Variants in MYO7B observed in about 807,000 individuals in gnomAD.
MYO7B encodes the protein unconventional myosin-VIIb.
In MYO7B, 212 loss-of-function variants were observed where a neutral mutation model predicts 259.7. The observed-to-expected ratio is 0.82, with a 90% CI of 0.73 to 0.91. MYO7B has a LOEUF of 0.91. Among genes scored for constraint, MYO7B ranks in the 40% least tolerant of loss-of-function variants. MYO7B has a pLI of 0.00. For missense variants in MYO7B, 2,732 were observed against 2,813.5 expected, an observed-to-expected ratio of 0.97 and a Z score of 0.66; for synonymous variants, 1,197 against 1,166.4, an observed-to-expected ratio of 1.03 and a Z score of -0.54.
In MYO7B at chr2:127,584,939, C is replaced by G; in HGVS notation, c.1690+26C>G. The G allele has an allele frequency of 6.2e-7, 1 of 1,611,980 alleles. No homozygotes were observed. On this transcript the variant is annotated intron_variant, in intron 14 of 47. Transcript: ENST00000409816. The surrounding 1 kb of genome is among the most constrained non-coding windows in gnomAD (Gnocchi z 5.8). ...GTGGGTGCAGCTCTCCTCTCATGTC[C>G]CTTCCAAATCTGGACCGGGTTCCAG... is the stretch of plus-strand genomic sequence containing the variant.
intron 1 of MYO7B, among the ~76,000 whole-genome samples, chr2:127,553,198 C>A (rs1573613195): frequency 6.6e-6 from 1 of 152,204 alleles, no homozygotes; most frequent in African/African-American, 2.4e-5. Context: ...AATGTGATGC[C>A]TCCATATTTG....
chr2:127,592,786 G>GC lies in MYO7B; in HGVS notation c.1993-5dup, dbSNP rs780133702. ...TGCGCTGGGTCAGCGCCCGGTGTCC[G>GC]CCCACAGCTGTTCGACCGGGAGCTG... is the stretch of plus-strand genomic sequence containing the variant. On this transcript the variant is annotated splice_polypyrimidine_tract_variant and splice_region_variant and intron_variant, in intron 16 of 47. Coordinates refer to ENST00000409816, the MANE Select transcript of MYO7B (RefSeq NM_001393586.1). 5 of 1,606,744 alleles carry GC rather than the reference G, an allele frequency of 3.1e-6. No homozygotes were observed. The South Asian group carries it at 5.6e-5, about 18-fold the overall frequency.
intron 6 of MYO7B, among the ~76,000 whole-genome samples, 168 bp from the exon 7 acceptor site, chr2:127,573,752 G>A (rs567299361): frequency 2.0e-5 from 3 of 152,132 alleles, no homozygotes; most frequent in South Asian, 2.1e-4. Flanking sequence ...CTGCATTTTT[G>A]TCTTCCTCTT....
intron 9 of MYO7B, 62 bp from the exon 10 acceptor site, chr2:127,580,683 CG>C: frequency 6.6e-7 from 1 of 1,504,042 alleles, no homozygotes; most frequent in South Asian, 1.2e-5. Context: ...CCGGGCCAGT[CG>C]GGACCTTGCT....
intron 38 of MYO7B, 86 bp downstream of exon 38, chr2:127,631,839 C>G: frequency 6.6e-7 from 1 of 1,514,680 alleles, no homozygotes; most frequent in Non-Finnish European, 8.9e-7. Flanking sequence ...AGAGAGGACA[C>G]CGCAGCTGGT....
intron 1 of MYO7B, among the ~76,000 whole-genome samples, chr2:127,544,646 T>C (rs1306124390): frequency 6.7e-6 from 1 of 149,712 alleles, no homozygotes; most frequent in Non-Finnish European, 1.5e-5. Context: ...AGTGGCGCTA[T>C]CTCGGCTCAC....
At position 127,576,554 on chromosome 2, in the gene MYO7B, T is replaced by C; in HGVS notation, c.736-41T>C. The stretch of plus-strand genomic sequence containing the variant: ...CTGAGGCCCTGAGGCCTCAGGGGAA[T>C]GGCTCATGAATCTGTCTGGAATGCC... On this transcript the variant is annotated intron_variant, in intron 7 of 47. Transcript: ENST00000409816. The surrounding 1 kb of genome is among the most constrained non-coding windows in gnomAD (Gnocchi z 4.9). The C allele has an allele frequency of 7.4e-7, 1 of 1,349,030 alleles. No individual in the cohort carries two copies. The highest frequency in any genetic ancestry group is 1.0e-6 in the Non-Finnish European group (1 of 966,460). The allele number at this position is 1,349,030 out of a possible 1,614,324, so 83.6% of individuals were successfully genotyped here.
At position 127,637,536 on chromosome 2, in the gene MYO7B, A is replaced by G. The variant is rs1573737931; in HGVS notation, c.*119A>G. 1.7e-5 allele frequency: 13 copies of G among 758,514 alleles called. No individual in the cohort carries two copies. In the South Asian group the frequency reaches 2.4e-4, roughly 14 times the overall value. The allele number at this position is 758,514 out of a possible 1,614,324, so 47.0% of individuals were successfully genotyped here. ...CGGGCAGCCTTCCATGCTGCCCCCC[A>G]TACAAAGCCCACTCAGCCCCGCAGG... On this transcript the variant is annotated 3_prime_UTR_variant, in exon 48 of 48. Coordinates refer to ENST00000409816, the MANE Select transcript of MYO7B (RefSeq NM_001393586.1).
chr2:127,629,333 G>T (rs1053133470), intron 34 of MYO7B, among the ~76,000 whole-genome samples: 2 of 152,322 alleles, frequency 1.3e-5, no homozygotes, highest in African/African-American at 4.8e-5. Context: ...CGTGGGGACT[G>T]CCAGCCTGTG....
intron 2 of MYO7B, 43 bp from the exon 3 acceptor site, chr2:127,564,110 G>A: frequency 7.4e-7 from 1 of 1,351,486 alleles, no homozygotes; most frequent in Non-Finnish European, 1.0e-6. Context: ...GGGAGGGGAA[G>A]AGAGAGCGGG....
At position 127,614,974 on chromosome 2, in the gene MYO7B, C is replaced by A. The variant is rs1236993521; in HGVS notation, c.3398+2371C>A. On this transcript the variant is annotated intron_variant, in intron 26 of 47. Transcript: ENST00000409816. The surrounding 1 kb of genome is among the most constrained non-coding windows in gnomAD (Gnocchi z 4.6). ...TTCCACATCTGTCACACATTCCACA[C>A]ACACTTGCTCATTACCCACTCTGGG... Among the ~76,000 whole-genome samples the A allele has an allele frequency of 2.0e-5, 3 of 152,234 alleles. No individual in the cohort carries two copies. The highest frequency in any genetic ancestry group is 4.4e-5 in the Non-Finnish European group (3 of 68,046).
chr2:127,612,172 A>G (rs1006326991), intron 24 of MYO7B, 78 bp from the exon 25 acceptor site: 3 of 514,378 alleles, frequency 5.8e-6, no homozygotes, highest in Non-Finnish European at 1.1e-5. Context: ...CACGTGCTCC[A>G]CCCCAGGAGG....
chr2:127,581,636 A>G (rs4662738), intron 10 of MYO7B, among the ~76,000 whole-genome samples: 145,680 of 152,106 alleles, frequency 0.96, 69,816 homozygotes, highest in East Asian at 0.99. Context: ...CCTCACCCTC[A>G]TTTTCCAAGG....
intron 26 of MYO7B, among the ~76,000 whole-genome samples, chr2:127,616,204 T>C: frequency 6.6e-6 from 1 of 152,208 alleles, no homozygotes; most frequent in Non-Finnish European, 1.5e-5. Flanking sequence ...ATCAAGAGTT[T>C]ATCCTTCTCC....
intron 16 of MYO7B, among the ~76,000 whole-genome samples, chr2:127,591,085 A>G (rs1679539799): frequency 6.6e-6 from 1 of 152,194 alleles, no homozygotes; most frequent in South Asian, 2.1e-4. Context: ...GCTACTCAGG[A>G]GGCTGAGGGA....
intron 1 of MYO7B, among the ~76,000 whole-genome samples, chr2:127,549,940 G>T (rs1693384081): frequency 6.6e-6 from 1 of 152,172 alleles, no homozygotes; most frequent in Non-Finnish European, 1.5e-5. Context: ...TCTGTGTTTT[G>T]TCTCCTTCCC....
At chr2:127,600,300 C>G (rs1679916087) in intron 19 of MYO7B, among the ~76,000 whole-genome samples, 1 of 152,114 alleles carries the variant, frequency 6.6e-6, no homozygotes, top group Non-Finnish European at 1.5e-5. Flanking sequence ...ATAATATTCC[C>G]TTATTATCCT....
Position 127,636,151 on chromosome 2 carries a change from C to G in MYO7B, c.6007-57C>G, listed in dbSNP as rs1366833023. 7.0e-7 allele frequency: 1 copy of G among 1,433,760 alleles called. No individual in the cohort carries two copies. The highest frequency in any genetic ancestry group is 1.4e-5 in the African/African-American group (1 of 71,170). The allele number at this position is 1,433,760 out of a possible 1,614,324, so 88.8% of individuals were successfully genotyped here. ...TGGGGTAGGCAGGTGCTGCCCCCAC[C>G]AGGGCTTTGGAGGGCCTCTGGGCAC... On this transcript the variant is annotated intron_variant, in intron 44 of 47. Coordinates refer to ENST00000409816, the MANE Select transcript of MYO7B (RefSeq NM_001393586.1). This position sits in a 1 kb window ranked among gnomAD's most constrained non-coding sequence, Gnocchi z 4.5.
chr2:127,625,663 G>T, intron 31 of MYO7B, 128 bp downstream of exon 31: 2 of 1,084,116 alleles, frequency 1.8e-6, no homozygotes, highest in Non-Finnish European at 2.5e-6. Context: ...ACAAGCCTCA[G>T]CTTGACAGTT....
Sources: allele counts gnomAD v4.1 joint callset (sites outside exome capture counted in the v4.1 genomes callset), GRCh38; gene constraint gnomAD v4.1.1; non-coding constraint Gnocchi (gnomAD v3.1); transcripts MANE v1.5; gene names NCBI Gene and HGNC (gene_info 2026-07-23, HGNC 2026-07-21).